The following ASTN1 variants were observed in gnomAD, a reference collection of about 807,000 sequenced individuals.
ASTN1 encodes the protein astrotactin-1.
In ASTN1, 41 loss-of-function variants were observed where a neutral mutation model predicts 140.7. The ratio of observed to expected loss-of-function variants is 0.29; its 90% CI spans 0.23 to 0.38. The LOEUF is 0.38. Ranked by LOEUF, ASTN1 falls within the 10% of genes least tolerant of loss-of-function variation. The probability of loss-of-function intolerance (pLI) is 1.00; values close to 1 mark genes in which losing one functional copy is unlikely to be tolerated. For synonymous variants in ASTN1, 640 were observed against 652.2 expected (o/e 0.98, Z 0.29); for missense variants, 1,479 against 1,678.8 (o/e 0.88, Z 2.08).
At chr1:177,019,436 A>T (rs1675709555) in intron 7 of ASTN1, among the ~76,000 whole-genome samples, 1 of 152,234 alleles carries the variant, frequency 6.6e-6, no homozygotes, top group Non-Finnish European at 1.5e-5. Context: ...CCTAATTTAC[A>T]TGCATGCTGA....
intron 1 of ASTN1, among the ~76,000 whole-genome samples, chr1:177,087,097 G>T (rs1679507596): frequency 6.6e-6 from 1 of 152,040 alleles, no homozygotes; most frequent in African/African-American, 2.4e-5. Flanking sequence ...CTCCTGGCAG[G>T]GATAATGGGC....
intron 11 of ASTN1, among the ~76,000 whole-genome samples, chr1:176,955,208 C>T (rs78480487): frequency 0.015 from 2,356 of 152,246 alleles, 65 homozygotes; most frequent in African/African-American, 0.051. Flanking sequence ...AGGAGGAAGG[C>T]GGGCCAATGC....
intron 2 of ASTN1, among the ~76,000 whole-genome samples, chr1:177,060,284 T>C (rs961978335): frequency 3.9e-5 from 6 of 152,112 alleles, no homozygotes; most frequent in African/African-American, 1.4e-4. Context: ...AGGATCTGAG[T>C]TGAGCTAGAG....
intron 16 of ASTN1, among the ~76,000 whole-genome samples, chr1:176,924,033 T>C (rs767862138): frequency 6.6e-6 from 1 of 152,232 alleles, no homozygotes; most frequent in African/African-American, 2.4e-5. Flanking sequence ...TCTAGCCATA[T>C]GCTTACTTCT....
At chr1:176,943,599 AT>A (rs1241752575) in intron 14 of ASTN1, among the ~76,000 whole-genome samples, 2 of 152,058 alleles carry the variant, frequency 1.3e-5, no homozygotes, top group Non-Finnish European at 2.9e-5. Context: ...ACTTCCTCTA[AT>A]CCCCCAAGAA....
chr1:177,132,115 C>A (rs1681972049), intron 1 of ASTN1, among the ~76,000 whole-genome samples: 1 of 152,162 alleles, frequency 6.6e-6, no homozygotes, highest in African/African-American at 2.4e-5. Context: ...TGATTTTCCC[C>A]TTCTTTATTC....
chr1:177,133,425 T>A lies in ASTN1; in HGVS notation c.283+30969A>T, dbSNP rs185116937. On this transcript the variant is annotated intron_variant, in intron 1 of 22. Transcript: ENST00000361833. ...AATAGACTGAAAGAATTCTCCTCTG[T>A]ATCAAAAACACATGGCTCAAAGTCC... Among the ~76,000 whole-genome samples, 4 of 152,298 alleles carry A rather than the reference T, an allele frequency of 2.6e-5. No individual in the cohort carries two copies. In the East Asian group the frequency reaches 7.7e-4, roughly 29 times the overall value.
rs952688597 is a variant in ASTN1 at position 177,032,535 on chromosome 1, C to G, written c.786G>C (p.Glu262Asp). 23 of 1,614,004 alleles carry G rather than the reference C, an allele frequency of 1.4e-5. No homozygotes were observed. The South Asian group carries it at 2.4e-4, about 17-fold the overall frequency. The change falls in exon 3 of 23, where the codon GAG (glutamate) becomes GAC (aspartate). Residue 262 changes from glutamate to aspartate, a missense_variant. Coordinates refer to ENST00000361833, the MANE Select transcript of ASTN1 (RefSeq NM_004319.3). ...TGCGCGTGACCTGGCTGGCAAAGTCCTCCCCTCCGTTCATGCACTCCCTCT... is the reference window on the plus strand; with the variant it reads ...TGCGCGTGACCTGGCTGGCAAAGTCGTCCCCTCCGTTCATGCACTCCCTCT... ...HLQRECMNGG[E>D]DFASQVTRTL...
intron 16 of ASTN1, among the ~76,000 whole-genome samples, chr1:176,895,743 T>G (rs1436558050): frequency 6.6e-6 from 1 of 152,242 alleles, no homozygotes; most frequent in East Asian, 1.9e-4. Context: ...AAGAAAGCAC[T>G]GCTTGGCATT....
intron 14 of ASTN1, among the ~76,000 whole-genome samples, chr1:176,942,770 T>C (rs1208946801): frequency 1.4e-5 from 2 of 141,742 alleles, no homozygotes; most frequent in Admixed American, 7.3e-5. Context: ...CTGCCTTTGC[T>C]TCCAGTTGTC....
intron 2 of ASTN1, among the ~76,000 whole-genome samples, chr1:177,050,898 G>T (rs764238133): frequency 5.8e-4 from 88 of 152,056 alleles, no homozygotes; most frequent in Non-Finnish European, 1.0e-3. Flanking sequence ...ATCCAGGCAT[G>T]TCACACATTT....
intron 1 of ASTN1, among the ~76,000 whole-genome samples, chr1:177,106,690 T>C (rs553185368): frequency 1.4e-4 from 21 of 152,318 alleles, no homozygotes; most frequent in African/African-American, 4.8e-4. Flanking sequence ...ATTATAGACT[T>C]CTCATTTCCT....
At chr1:176,871,608 T>G (rs1184892773) in intron 21 of ASTN1, among the ~76,000 whole-genome samples, 2 of 152,162 alleles carry the variant, frequency 1.3e-5, no homozygotes, top group Non-Finnish European at 2.9e-5. Flanking sequence ...ATTCTAGCTC[T>G]TGGGTGTGCT....
chr1:177,014,844 C>T lies in ASTN1; in HGVS notation c.1470G>A (p.Lys490=). 6.2e-7 allele frequency: 1 copy of T among 1,613,748 alleles called. No homozygotes were observed. The highest frequency in any genetic ancestry group is 8.5e-7 in the Non-Finnish European group (1 of 1,179,758). ...TGCAAAGGTGCTTATGTACTGGATC[C>T]TTCATGTAGCCTTCATAGCAGAGGC... ...GECLCYEGYM[K]DPVHKHLCIR... Residue 490 remains lysine, a synonymous_variant, in exon 8 of 23, where the codon AAG becomes AAA. Coordinates refer to ENST00000361833, the MANE Select transcript of ASTN1 (RefSeq NM_004319.3).
At chr1:177,121,327 G>C (rs1681374176) in intron 1 of ASTN1, among the ~76,000 whole-genome samples, 1 of 152,076 alleles carries the variant, frequency 6.6e-6, no homozygotes, top group African/African-American at 2.4e-5. Flanking sequence ...TTTTCTGTTT[G>C]CTCAGCAGCA....
intron 5 of ASTN1, 153 bp downstream of exon 5, chr1:177,029,481 A>G (rs368473292): frequency 1.2e-6 from 1 of 804,122 alleles, no homozygotes; most frequent in Non-Finnish European, 2.2e-6. Context: ...TTTCTTCCTT[A>G]GGAGGAAACA....
intron 16 of ASTN1, among the ~76,000 whole-genome samples, chr1:176,900,470 T>C (rs1266584887): frequency 6.6e-6 from 1 of 152,062 alleles, no homozygotes; most frequent in Non-Finnish European, 1.5e-5. Flanking sequence ...CTCTCTCTCT[T>C]TCTCCCCACC....
intron 20 of ASTN1, among the ~76,000 whole-genome samples, chr1:176,880,340 C>T (rs1423758150): frequency 6.6e-6 from 1 of 152,176 alleles, no homozygotes; most frequent in African/African-American, 2.4e-5. Flanking sequence ...TTTCCTTCTC[C>T]AGTCATGGTG....
chr1:177,101,359 C>T (rs757980414), intron 1 of ASTN1, among the ~76,000 whole-genome samples: 17 of 152,278 alleles, frequency 1.1e-4, no homozygotes, highest in Non-Finnish European at 1.9e-4. Context: ...CAATGAAATG[C>T]TATTTTTCAG....
Sources: gnomAD v4.1 joint callset for allele counts (sites outside exome capture counted in the v4.1 genomes callset) on GRCh38, gnomAD v4.1.1 for gene constraint, MANE v1.5 for transcripts, NCBI Gene and HGNC (gene_info 2026-07-23, HGNC 2026-07-21) for gene names.